The following SMYD3 variants were observed in gnomAD, a reference collection of about 807,000 sequenced individuals.
The protein encoded by SMYD3 is SET and MYND domain containing 3.
A neutral mutation model predicts 57.7 loss-of-function variants in SMYD3; 36 were observed. That is an observed-to-expected ratio of 0.62 (90% CI 0.48 to 0.82). The LOEUF is 0.82. SMYD3 is among the 40% of genes least tolerant of loss of function. The pLI, the probability that SMYD3 is intolerant of heterozygous loss-of-function variation, is 0.00. For synonymous variants in SMYD3, 211 were observed against 195.0 expected, an observed-to-expected ratio of 1.08 and a Z score of -0.68; for missense variants, 515 against 538.8, an observed-to-expected ratio of 0.96 and a Z score of 0.44.
intron 5 of SMYD3, among the ~76,000 whole-genome samples, chr1:245,963,582 GAA>G (rs1255598904): frequency 1.3e-5 from 2 of 151,208 alleles, no homozygotes; most frequent in Non-Finnish European, 2.9e-5. Flanking sequence ...GAGTATCAGA[GAA>G]AAATTCCCTT....
At chr1:246,049,443 C>A (rs1486012400) in intron 5 of SMYD3, among the ~76,000 whole-genome samples, 1 of 150,428 alleles carries the variant, frequency 6.6e-6, no homozygotes, top group African/African-American at 2.5e-5. Flanking sequence ...ACTACAGGCG[C>A]CCGCCACCAC....
chr1:246,318,257 A>G (rs545950786), intron 5 of SMYD3, among the ~76,000 whole-genome samples: 1 of 152,210 alleles, frequency 6.6e-6, no homozygotes, highest in South Asian at 2.1e-4. Flanking sequence ...ATGGTGGCAC[A>G]CACTTGTAGT....
intron 5 of SMYD3, among the ~76,000 whole-genome samples, chr1:246,218,585 C>T (rs1386546444): frequency 6.6e-6 from 1 of 151,012 alleles, no homozygotes; most frequent in African/African-American, 2.5e-5. Context: ...GGCGCCACTG[C>T]ACTCCAGCCT....
chr1:246,219,759 G>T (rs548253859), intron 5 of SMYD3, among the ~76,000 whole-genome samples: 1 of 152,268 alleles, frequency 6.6e-6, no homozygotes, highest in South Asian at 2.1e-4. Flanking sequence ...GCAGCTGCAG[G>T]CAAGCACAGA....
At chr1:245,991,219 T>A (rs960676092) in intron 5 of SMYD3, among the ~76,000 whole-genome samples, 1 of 152,200 alleles carries the variant, frequency 6.6e-6, no homozygotes, top group Admixed American at 6.5e-5. Flanking sequence ...CCAGGCACTG[T>A]GAAGAATCCT....
At chr1:246,181,383 C>G (rs938666602) in intron 5 of SMYD3, among the ~76,000 whole-genome samples, 2 of 152,178 alleles carry the variant, frequency 1.3e-5, no homozygotes, top group East Asian at 3.8e-4. Flanking sequence ...TGTGTACTTA[C>G]AAAACTAATG....
intron 10 of SMYD3, among the ~76,000 whole-genome samples, chr1:245,832,571 A>C (rs184415975): frequency 1.3e-5 from 2 of 151,640 alleles, no homozygotes; most frequent in South Asian, 4.1e-4. Context: ...AAGAGCCTAC[A>C]TTTATCTAGA....
chr1:245,761,361 A>G (rs2045835393), intron 11 of SMYD3, among the ~76,000 whole-genome samples: 1 of 152,146 alleles, frequency 6.6e-6, no homozygotes, highest in Non-Finnish European at 1.5e-5. Flanking sequence ...AGACCTGGGC[A>G]TGAGGGATGT....
chr1:245,855,328 G>GT (rs896853297), intron 10 of SMYD3, among the ~76,000 whole-genome samples: 8 of 151,700 alleles, frequency 5.3e-5, no homozygotes, highest in Non-Finnish European at 1.0e-4. Context: ...GGGGCTGGGG[G>GT]GGGAATTTAT....
intron 5 of SMYD3, among the ~76,000 whole-genome samples, chr1:246,063,850 C>T (rs978651281): frequency 3.3e-5 from 5 of 152,066 alleles, no homozygotes; most frequent in South Asian, 2.1e-4. Context: ...ATGTTCCCTA[C>T]GCCAGTCTCG....
chr1:246,287,273 A>C (rs1482653689), intron 5 of SMYD3, among the ~76,000 whole-genome samples: 1 of 152,212 alleles, frequency 6.6e-6, no homozygotes, highest in East Asian at 1.9e-4. Context: ...AACTTAGAAA[A>C]TATTTTCTAA....
intron 1 of SMYD3, among the ~76,000 whole-genome samples, chr1:246,384,440 A>C (rs1015744775): frequency 6.6e-6 from 1 of 152,028 alleles, no homozygotes; most frequent in African/African-American, 2.4e-5. Flanking sequence ...CTGTCGCCCA[A>C]GCTAGAGTGC....
At chr1:245,839,800 G>A (rs992936825) in intron 10 of SMYD3, among the ~76,000 whole-genome samples, 6 of 151,834 alleles carry the variant, frequency 4.0e-5, no homozygotes, top group Non-Finnish European at 8.8e-5. Flanking sequence ...TAATAAGCAG[G>A]GGGAAAAATG....
chr1:246,182,143 T>C lies in SMYD3; in HGVS notation c.531+145058A>G, dbSNP rs935808225. On this transcript the variant is annotated intron_variant, in intron 5 of 11. Coordinates refer to ENST00000490107, the MANE Select transcript of SMYD3 (RefSeq NM_001167740.2). ...TAAAACCTCACCACTGTTGTTCTCATCGTAACTGAAATCCAGCACATTAAA... is the reference window on the plus strand; with the variant it reads ...TAAAACCTCACCACTGTTGTTCTCACCGTAACTGAAATCCAGCACATTAAA... 2.0e-5 allele frequency among the ~76,000 whole-genome samples: 3 copies of C among 152,216 alleles called. No homozygotes were observed. In the East Asian group the frequency reaches 5.8e-4, roughly 29 times the overall value.
chr1:246,380,856 G>A (rs2066376748), intron 1 of SMYD3, among the ~76,000 whole-genome samples: 2 of 152,206 alleles, frequency 1.3e-5, no homozygotes, highest in Admixed American at 6.5e-5. Context: ...ATAGCCATGG[G>A]CTACTGTCCT....
intron 1 of SMYD3, among the ~76,000 whole-genome samples, chr1:246,363,606 G>T (rs1164536595): frequency 3.9e-5 from 6 of 152,306 alleles, no homozygotes; most frequent in African/African-American, 1.4e-4. Context: ...GGATCCTGTT[G>T]ATCTGTGACC....
intron 1 of SMYD3, among the ~76,000 whole-genome samples, chr1:246,475,899 G>A (rs985845318): frequency 3.9e-5 from 6 of 152,142 alleles, no homozygotes; most frequent in Non-Finnish European, 8.8e-5. Flanking sequence ...ACAGGCGTGA[G>A]CCACCACGTC....
At chr1:246,397,539 T>C (rs1393281068) in intron 1 of SMYD3, among the ~76,000 whole-genome samples, 3 of 152,280 alleles carry the variant, frequency 2.0e-5, no homozygotes, top group Admixed American at 1.3e-4. Flanking sequence ...AAAAAACAAA[T>C]GTTTATTATT....
At chr1:246,309,321 G>C (rs1325987530) in intron 5 of SMYD3, among the ~76,000 whole-genome samples, 1 of 152,066 alleles carries the variant, frequency 6.6e-6, no homozygotes, top group African/African-American at 2.4e-5. Flanking sequence ...ATGCAGACAA[G>C]AAAATAAAAG....
Sources: allele counts gnomAD v4.1 joint callset (sites outside exome capture counted in the v4.1 genomes callset), GRCh38; gene constraint gnomAD v4.1.1; transcripts MANE v1.5; gene names NCBI Gene and HGNC (gene_info 2026-07-23, HGNC 2026-07-21).